Variants in ARL15 observed in about 807,000 individuals in gnomAD.
The protein encoded by ARL15 is ARF like GTPase 15.
ARL15 carries 19 observed loss-of-function variants against 25.2 expected under a neutral mutation model. That is an observed-to-expected ratio of 0.75 (90% confidence interval 0.53 to 1.10). The LOEUF (loss-of-function observed/expected upper bound fraction) is 1.10. Ranked by LOEUF, ARL15 falls within the 50% of genes least tolerant of loss-of-function variation. The pLI is 0.00. For synonymous variants in ARL15, 94 were observed against 86.8 expected (o/e 1.08, Z -0.46); for missense variants, 220 against 246.0 (o/e 0.89, Z 0.71).
chr5:53,943,932 G>T (rs1746630738), intron 4 of ARL15, among the ~76,000 whole-genome samples: 3 of 152,154 alleles, frequency 2.0e-5, no homozygotes, highest in Admixed American at 2.0e-4. Context: ...AAAATTAAAA[G>T]GAAATGGAAT....
intron 1 of ARL15, among the ~76,000 whole-genome samples, chr5:54,224,962 A>G (rs3776656): frequency 0.073 from 11,089 of 152,272 alleles, 480 homozygotes; most frequent in Middle Eastern, 0.18. Context: ...ATGGGAAAAT[A>G]AAGGCACTGG....
chr5:53,927,492 C>G (rs1394667619), intron 4 of ARL15, among the ~76,000 whole-genome samples: 2 of 152,196 alleles, frequency 1.3e-5, no homozygotes, highest in African/African-American at 4.8e-5. Flanking sequence ...CAATTCACCT[C>G]CTCTACAATC....
At chr5:54,078,572 C>G (rs896853530) in intron 4 of ARL15, among the ~76,000 whole-genome samples, 6 of 152,158 alleles carry the variant, frequency 3.9e-5, no homozygotes, top group Non-Finnish European at 7.3e-5. Context: ...AATATTCAAC[C>G]CTGACTCTAT....
At position 53,926,376 on chromosome 5, in the gene ARL15, G is replaced by T. The variant is rs73757126; in HGVS notation, c.463-39663C>A. Among the ~76,000 whole-genome samples the T allele has an allele frequency of 8.6e-5, 13 of 151,142 alleles. No individual in the cohort carries two copies. The East Asian group carries it at 2.5e-3, about 29-fold the overall frequency. On this transcript the variant is annotated intron_variant, in intron 4 of 4. Coordinates refer to ENST00000504924, the MANE Select transcript of ARL15 (RefSeq NM_019087.3). ...GGAAGAAAGGGCTGTCTAGTGGGAA[G>T]ATGAAGCCATGGAGAACATGCAGCC... is the stretch of plus-strand genomic sequence containing the variant.
intron 4 of ARL15, among the ~76,000 whole-genome samples, chr5:53,983,454 G>A (rs926568537): frequency 1.8e-4 from 27 of 152,152 alleles, no homozygotes; most frequent in African/African-American, 6.3e-4. Context: ...AAGCATGTGG[G>A]GGAAGGCTGC....
chr5:54,042,305 C>A (rs1750367991), intron 4 of ARL15, among the ~76,000 whole-genome samples: 1 of 152,028 alleles, frequency 6.6e-6, no homozygotes, highest in Admixed American at 6.5e-5. Context: ...ATTAGGGCTA[C>A]CATAAAATAA....
At chr5:53,983,149 C>T (rs907347466) in intron 4 of ARL15, among the ~76,000 whole-genome samples, 1 of 151,472 alleles carries the variant, frequency 6.6e-6, no homozygotes, top group African/African-American at 2.4e-5. Context: ...AGATAATAAA[C>T]AGCGGTCAGT....
At chr5:54,045,740 G>A (rs752539895) in intron 4 of ARL15, among the ~76,000 whole-genome samples, 6 of 152,146 alleles carry the variant, frequency 3.9e-5, no homozygotes, top group Non-Finnish European at 5.9e-5. Flanking sequence ...AAGGTTGTAG[G>A]TTCAGAAATG....
chr5:54,032,908 T>A (rs1579720773), intron 4 of ARL15, among the ~76,000 whole-genome samples: 1 of 152,094 alleles, frequency 6.6e-6, no homozygotes, highest in East Asian at 1.9e-4. Flanking sequence ...GAACTAAAAA[T>A]GTTGGTTAAT....
At chr5:53,915,915 C>A (rs986109524) in intron 4 of ARL15, among the ~76,000 whole-genome samples, 3 of 152,106 alleles carry the variant, frequency 2.0e-5, no homozygotes, top group Non-Finnish European at 2.9e-5. Flanking sequence ...GGCTTCTATT[C>A]CAAGATAGAA....
chr5:54,132,234 GT>G (rs1753460918), intron 3 of ARL15, among the ~76,000 whole-genome samples: 1 of 151,960 alleles, frequency 6.6e-6, no homozygotes, highest in Non-Finnish European at 1.5e-5. Context: ...AACAAAATAT[GT>G]CTTATACTAC....
intron 4 of ARL15, among the ~76,000 whole-genome samples, chr5:53,910,411 A>C (rs938072022): frequency 3.3e-5 from 5 of 152,006 alleles, no homozygotes; most frequent in Non-Finnish European, 5.9e-5. Context: ...ATGCCACCGT[A>C]AGAAAAGGCC....
chr5:54,198,782 A>G (rs1390693950), intron 1 of ARL15, among the ~76,000 whole-genome samples: 5 of 151,134 alleles, frequency 3.3e-5, no homozygotes, highest in Non-Finnish European at 7.4e-5. Flanking sequence ...TCTTCACAGA[A>G]TTGGAAAAAA....
chr5:54,066,304 A>T (rs1455428821), intron 4 of ARL15, among the ~76,000 whole-genome samples: 1 of 152,218 alleles, frequency 6.6e-6, no homozygotes, highest in Non-Finnish European at 1.5e-5. Context: ...AAAAGCAAAA[A>T]TGTAAACTAG....
chr5:54,270,236 G>C (rs750542003), intron 1 of ARL15, among the ~76,000 whole-genome samples: 1 of 152,172 alleles, frequency 6.6e-6, no homozygotes, highest in Non-Finnish European at 1.5e-5. Flanking sequence ...GGTAATATTA[G>C]AGTCATTCAC....
intron 1 of ARL15, among the ~76,000 whole-genome samples, chr5:54,246,794 GCATACACACACA>G (rs1214500242): frequency 5.7e-4 from 56 of 97,474 alleles, no homozygotes; most frequent in African/African-American, 1.9e-3. Context: ...TACAAAGCAT[GCATACACACACA>G]CACACACACA....
At position 54,310,535 on chromosome 5, in the gene ARL15, T is replaced by G. The variant is rs1211419250; in HGVS notation, c.-56A>C. 3 of 1,550,944 alleles carry G rather than the reference T, an allele frequency of 1.9e-6. No individual in the cohort carries two copies. In the African/African-American group the frequency reaches 4.1e-5, roughly 21 times the overall value. ...GAACCCGGAAAAAAAAAGCAGCGTC[T>G]CTGGCTGCGAGCGAGCAGCTCCTGA... On this transcript the variant is annotated 5_prime_UTR_variant, in exon 1 of 5. Coordinates refer to ENST00000504924, the MANE Select transcript of ARL15 (RefSeq NM_019087.3).
intron 1 of ARL15, among the ~76,000 whole-genome samples, chr5:54,279,587 T>A (rs947092745): frequency 6.6e-6 from 1 of 152,142 alleles, no homozygotes; most frequent in Non-Finnish European, 1.5e-5. Context: ...ATCATCACAT[T>A]CGGAGTCAGG....
At chr5:54,216,127 T>C (rs1191970884) in intron 1 of ARL15, among the ~76,000 whole-genome samples, 1 of 152,168 alleles carries the variant, frequency 6.6e-6, no homozygotes, top group Non-Finnish European at 1.5e-5. Context: ...CGAAGAAACT[T>C]TACTTCTCGC....
Sources: allele counts gnomAD v4.1 joint callset (sites outside exome capture counted in the v4.1 genomes callset), GRCh38; gene constraint gnomAD v4.1.1; transcripts MANE v1.5; gene names NCBI Gene and HGNC (gene_info 2026-07-23, HGNC 2026-07-21).